The following PTPRT variants were observed in gnomAD, a reference collection of about 807,000 sequenced individuals.
The protein encoded by PTPRT is receptor-type tyrosine-protein phosphatase T.
In PTPRT, 56 loss-of-function variants were observed where a neutral mutation model predicts 176.8. That is an observed-to-expected ratio of 0.32 (90% CI 0.26 to 0.40). PTPRT has a LOEUF of 0.40. Ranked by LOEUF, PTPRT falls within the 10% of genes least tolerant of loss-of-function variation. The probability of loss-of-function intolerance (pLI) is 1.00; values close to 1 mark genes in which losing one functional copy is unlikely to be tolerated. For synonymous variants in PTPRT, 783 were observed against 739.0 expected (o/e 1.06, Z -0.96); for missense variants, 1,540 against 1,908.2 (o/e 0.81, Z 3.60).
intron 4 of PTPRT, among the ~76,000 whole-genome samples, chr20:42,775,857 C>T (rs2077127665): frequency 6.6e-6 from 1 of 152,226 alleles, no homozygotes; most frequent in Admixed American, 6.5e-5. Flanking sequence ...TTTATGTCCA[C>T]AGGCTTTTTT....
chr20:42,893,902 C>G (rs1348872026), intron 1 of PTPRT, among the ~76,000 whole-genome samples: 3 of 151,694 alleles, frequency 2.0e-5, no homozygotes, highest in Non-Finnish European at 4.4e-5. Context: ...AGGAGATATA[C>G]CTAATGCTAA....
intron 2 of PTPRT, among the ~76,000 whole-genome samples, chr20:42,852,170 C>T (rs1171553344): frequency 2.0e-5 from 3 of 152,112 alleles, no homozygotes; most frequent in Non-Finnish European, 1.5e-5. Flanking sequence ...ATCTTCTATC[C>T]AAACTTTACA....
chr20:42,033,268 G>T, the PTPRT span, among the ~76,000 whole-genome samples: 309 of 152,292 alleles, frequency 2.0e-3, 4 homozygotes, highest in South Asian at 0.016. Context: ...TATAAATTCG[G>T]CAACATTCAC....
intron 8 of PTPRT, among the ~76,000 whole-genome samples, chr20:42,450,335 T>C (rs1243467556): frequency 3.3e-5 from 5 of 152,236 alleles, no homozygotes; most frequent in African/African-American, 4.8e-5. Context: ...AGAAAGTTTG[T>C]ACCATTCTGG....
intron 6 of PTPRT, among the ~76,000 whole-genome samples, chr20:42,714,459 A>G (rs1365278876): frequency 6.6e-6 from 1 of 152,196 alleles, no homozygotes; most frequent in African/African-American, 2.4e-5. Flanking sequence ...ACAGGATACA[A>G]TTCTGCCTGG....
intron 9 of PTPRT, among the ~76,000 whole-genome samples, chr20:42,439,374 T>C (rs1166180998): frequency 1.3e-5 from 2 of 152,086 alleles, no homozygotes; most frequent in Non-Finnish European, 1.5e-5. Flanking sequence ...GGCATCAGAG[T>C]TGCAAGATGC....
intron 6 of PTPRT, among the ~76,000 whole-genome samples, chr20:42,737,037 A>G (rs1322947336): frequency 6.6e-6 from 1 of 152,210 alleles, no homozygotes; most frequent in African/African-American, 2.4e-5. Flanking sequence ...GCCAATACAC[A>G]TGGGTGCTGC....
chr20:43,085,452 C>G (rs1461343518), intron 1 of PTPRT, among the ~76,000 whole-genome samples: 2 of 152,184 alleles, frequency 1.3e-5, no homozygotes. Context: ...TGAGCCCCAA[C>G]TATGTGAAAA....
intron 7 of PTPRT, among the ~76,000 whole-genome samples, chr20:42,625,472 G>A (rs1200440853): frequency 1.3e-5 from 2 of 151,580 alleles, no homozygotes; most frequent in African/African-American, 4.9e-5. Context: ...GTGAAATTGA[G>A]TCTGGGTAGC....
chr20:43,012,480 A>C (rs1985178103), intron 1 of PTPRT, among the ~76,000 whole-genome samples: 2 of 152,324 alleles, frequency 1.3e-5, no homozygotes, highest in Middle Eastern at 3.4e-3. Flanking sequence ...GCTTCAAAAG[A>C]TGAAAAAGTT....
chr20:42,167,796 G>T (rs1290748286), intron 16 of PTPRT, among the ~76,000 whole-genome samples: 1 of 152,174 alleles, frequency 6.6e-6, no homozygotes. Flanking sequence ...ATTCAAATGT[G>T]ATCTTCACAG....
chr20:43,013,693 C>G (rs1014064751), intron 1 of PTPRT, among the ~76,000 whole-genome samples: 1 of 152,198 alleles, frequency 6.6e-6, no homozygotes, highest in African/African-American at 2.4e-5. Flanking sequence ...ACTGCTGTTA[C>G]TGACTTGTTC....
intron 29 of PTPRT, among the ~76,000 whole-genome samples, chr20:42,083,584 C>T (rs1983573375): frequency 6.6e-6 from 1 of 152,212 alleles, no homozygotes; most frequent in Admixed American, 6.5e-5. Context: ...AGCTCTTTGA[C>T]TTGCCTAACA....
chr20:42,706,155 C>G (rs2076051907), intron 6 of PTPRT, among the ~76,000 whole-genome samples: 1 of 128,572 alleles, frequency 7.8e-6, no homozygotes, highest in African/African-American at 3.5e-5. Flanking sequence ...CTTTGTCTCT[C>G]TTTATCTCTC....
chr20:42,283,004 T>A (rs376762601), intron 12 of PTPRT, among the ~76,000 whole-genome samples: 1 of 152,176 alleles, frequency 6.6e-6, no homozygotes, highest in Non-Finnish European at 1.5e-5. Context: ...ATGAAACATG[T>A]CAAACTCAAA....
chr20:42,044,134 G>C, the PTPRT span, among the ~76,000 whole-genome samples: 12 of 152,178 alleles, frequency 7.9e-5, no homozygotes, highest in Non-Finnish European at 1.5e-4. Context: ...GACAACATGG[G>C]GTGGTTGTTT....
intron 2 of PTPRT, among the ~76,000 whole-genome samples, chr20:42,869,809 A>G (rs1460918998): frequency 6.6e-6 from 1 of 152,186 alleles, no homozygotes; most frequent in African/African-American, 2.4e-5. Context: ...CAAAATTCAC[A>G]TGTTGGAACT....
At chr20:42,245,596 G>C (rs921233182) in intron 14 of PTPRT, among the ~76,000 whole-genome samples, 1 of 151,960 alleles carries the variant, frequency 6.6e-6, no homozygotes, top group Non-Finnish European at 1.5e-5. Context: ...AATTAATTTA[G>C]CTTTTTTCAT....
intron 1 of PTPRT, among the ~76,000 whole-genome samples, chr20:42,996,629 A>C (rs1404703256): frequency 6.6e-6 from 1 of 152,184 alleles, no homozygotes; most frequent in African/African-American, 2.4e-5. Context: ...GACGGAGATT[A>C]TTAGAAAAAA....
Sources: gnomAD v4.1 joint callset for allele counts (sites outside exome capture counted in the v4.1 genomes callset) on GRCh38, gnomAD v4.1.1 for gene constraint, MANE v1.5 for transcripts, NCBI Gene and HGNC (gene_info 2026-07-23, HGNC 2026-07-21) for gene names.